The following RBFOX3 variants were observed in gnomAD, a reference collection of about 807,000 sequenced individuals.
The protein encoded by RBFOX3 is RNA binding protein fox-1 homolog 3.
RBFOX3 carries 17 observed loss-of-function variants against 48.7 expected under a neutral mutation model. That is an observed-to-expected ratio of 0.35 (90% CI 0.24 to 0.52). RBFOX3 has a LOEUF of 0.52. RBFOX3 is among the 20% of genes least tolerant of loss of function. RBFOX3 has a pLI of 0.94. For missense variants in RBFOX3, 382 were observed against 497.5 expected (o/e 0.77, Z 2.21); for synonymous variants, 212 against 209.5 (o/e 1.01, Z -0.10).
At chr17:79,091,938 G>C (rs1022450131) in intron 14 of RBFOX3, 1 of 984,190 alleles carries the variant, frequency 1.0e-6, no homozygotes, top group Non-Finnish European at 1.2e-6. Context: ...TGACTACGTC[G>C]GCAAGAAATA....
rs139028999 is a variant in RBFOX3, at chr17:79,216,982, C to T, written c.-34+18784G>A. On this transcript the variant is annotated intron_variant, in intron 4 of 14. Coordinates refer to ENST00000693108, the MANE Select transcript of RBFOX3 (RefSeq NM_001350451.2). The stretch of plus-strand genomic sequence containing the variant: ...GCAGCCCTCCTCCAGGGGGTATCCC[C>T]AGGTGAAACATCCGAAGGCAGAGAT... Among the ~76,000 whole-genome samples, 366 of 152,298 alleles carry T rather than the reference C, an allele frequency of 2.4e-3. 2 individuals are homozygous for T. Among genetic ancestry groups the T allele is most frequent in the African/African-American group, 8.3e-3 (344 of 41,570 alleles).
intron 3 of RBFOX3, among the ~76,000 whole-genome samples, chr17:79,268,132 C>T (rs996476253): frequency 5.7e-5 from 8 of 141,306 alleles, no homozygotes; most frequent in Admixed American, 2.3e-4. Flanking sequence ...TCCTGGCTGC[C>T]GTGAGGGGCA....
At chr17:79,456,283 G>A (rs1471970233) in intron 2 of RBFOX3, among the ~76,000 whole-genome samples, 2 of 151,950 alleles carry the variant, frequency 1.3e-5, no homozygotes, top group Non-Finnish European at 2.9e-5. Flanking sequence ...AACTCTGTTT[G>A]TTCCGCCTCC....
rs1309911019 is a variant in RBFOX3 at position 79,212,599 on chromosome 17, C to A, written c.-34+23167G>T. Among the ~76,000 whole-genome samples the A allele has an allele frequency of 6.6e-6, 1 of 152,188 alleles. No individual in the cohort carries two copies. The highest frequency in any genetic ancestry group is 1.5e-5 in the Non-Finnish European group (1 of 68,036). ...CTTAACTTCTTTCACAAGCAAATTCCCAGAGCCTGGTTCTTCCCCAGCCCT... is the reference window on the plus strand; with the variant it reads ...CTTAACTTCTTTCACAAGCAAATTCACAGAGCCTGGTTCTTCCCCAGCCCT... On this transcript the variant is annotated intron_variant, in intron 4 of 14. Transcript: ENST00000693108. This position sits in a 1 kb window ranked among gnomAD's most constrained non-coding sequence, Gnocchi z 4.7.
intron 2 of RBFOX3, among the ~76,000 whole-genome samples, chr17:79,441,886 G>C (rs942026470): frequency 3.3e-5 from 5 of 151,992 alleles, no homozygotes; most frequent in Admixed American, 3.3e-4. Context: ...TGAAATCAAG[G>C]GTCTCACTGA....
Position 79,299,425 on chromosome 17 carries a change from A to G in RBFOX3, c.-74+8299T>C, listed in dbSNP as rs1018744742. ...AAAAGTATTAGAAAAATAAATAAAA[A>G]TAATGATACAACAATACAAATAACA... On this transcript the variant is annotated intron_variant, in intron 3 of 14. Transcript: ENST00000693108. The surrounding 1 kb of genome is among the most constrained non-coding windows in gnomAD (Gnocchi z 4.5). Among the ~76,000 whole-genome samples the G allele has an allele frequency of 6.6e-6, 1 of 152,208 alleles. No individual in the cohort carries two copies. Among genetic ancestry groups the G allele is most frequent in the Non-Finnish European group, 1.5e-5 (1 of 68,042 alleles).
chr17:79,131,635 G>C (rs775418906), intron 4 of RBFOX3, among the ~76,000 whole-genome samples: 2 of 152,210 alleles, frequency 1.3e-5, no homozygotes, highest in Non-Finnish European at 2.9e-5. Context: ...TTTGGTAACT[G>C]TATCTCAATA....
At chr17:79,462,271 A>C (rs944072558) in intron 2 of RBFOX3, among the ~76,000 whole-genome samples, 1 of 152,216 alleles carries the variant, frequency 6.6e-6, no homozygotes, top group Non-Finnish European at 1.5e-5. Context: ...AGGCTGCCTG[A>C]GCCTGACTCC....
intron 3 of RBFOX3, among the ~76,000 whole-genome samples, chr17:79,264,622 C>T (rs764587153): frequency 6.6e-6 from 1 of 152,312 alleles, no homozygotes. Flanking sequence ...GACTCATCCA[C>T]GTGCTCTGGT....
chr17:79,312,106 C>T (rs1181837406), intron 2 of RBFOX3, among the ~76,000 whole-genome samples: 1 of 152,060 alleles, frequency 6.6e-6, no homozygotes, highest in Non-Finnish European at 1.5e-5. Context: ...CGTACTGTAA[C>T]TAATCGTTTT....
At chr17:79,564,494 C>A (rs2092381112) in intron 1 of RBFOX3, among the ~76,000 whole-genome samples, 2 of 152,130 alleles carry the variant, frequency 1.3e-5, no homozygotes, top group African/African-American at 2.4e-5. Flanking sequence ...CTGGAGGACG[C>A]CTTAGCAGAA....
intron 2 of RBFOX3, among the ~76,000 whole-genome samples, chr17:79,369,984 C>T (rs1461289977): frequency 1.3e-5 from 2 of 152,194 alleles, no homozygotes; most frequent in African/African-American, 2.4e-5. Context: ...CCCCACCAGA[C>T]GCCCTTCGTT....
At chr17:79,157,748 C>T (rs1445403185) in intron 4 of RBFOX3, among the ~76,000 whole-genome samples, 2 of 152,214 alleles carry the variant, frequency 1.3e-5, no homozygotes, top group African/African-American at 4.8e-5. Flanking sequence ...CTGGCAGTGC[C>T]ATGTTCCACC....
In RBFOX3 at chr17:79,214,877, G is replaced by A. The variant is rs1224540146; in HGVS notation, c.-34+20889C>T. The stretch of plus-strand genomic sequence containing the variant: ...TAATATTTATAGAAAGCCTCATTCA[G>A]CTCACCCTGTTTGTTCTTTATTTCT... On this transcript the variant is annotated intron_variant, in intron 4 of 14. Transcript: ENST00000693108. This position sits in a 1 kb window ranked among gnomAD's most constrained non-coding sequence, Gnocchi z 4.7. Among the ~76,000 whole-genome samples, 2 of 152,190 alleles carry A rather than the reference G, an allele frequency of 1.3e-5. No individual in the cohort carries two copies.
At chr17:79,352,835 C>T (rs1185335967) in intron 2 of RBFOX3, among the ~76,000 whole-genome samples, 1 of 152,208 alleles carries the variant, frequency 6.6e-6, no homozygotes, top group Non-Finnish European at 1.5e-5. Context: ...GCTCTGCAGC[C>T]CCACCCTGTC....
the RBFOX3 span, among the ~76,000 whole-genome samples, chr17:79,665,541 T>C: frequency 1.3e-5 from 2 of 152,188 alleles, no homozygotes; most frequent in African/African-American, 4.8e-5. Context: ...CTTGTGCCTC[T>C]GGCTCTGACA....
chr17:79,549,943 A>G (rs2090971022), intron 1 of RBFOX3, among the ~76,000 whole-genome samples: 1 of 152,094 alleles, frequency 6.6e-6, no homozygotes, highest in Admixed American at 6.5e-5. Context: ...ACACACACCA[A>G]AAAAAAACGT....
At chr17:79,244,064 C>T (rs1429038243) in intron 3 of RBFOX3, among the ~76,000 whole-genome samples, 1 of 152,174 alleles carries the variant, frequency 6.6e-6, no homozygotes, top group African/African-American at 2.4e-5. Flanking sequence ...CCGCACAGGG[C>T]AGAATGGTGT....
chr17:79,659,183 G>A, the RBFOX3 span, among the ~76,000 whole-genome samples: 10 of 152,152 alleles, frequency 6.6e-5, 1 homozygote, highest in Non-Finnish European at 4.4e-5. Context: ...CATTGCTTCC[G>A]TCTACAACCC....
Sources: gnomAD v4.1 joint callset for allele counts (sites outside exome capture counted in the v4.1 genomes callset) on GRCh38, gnomAD v4.1.1 for gene constraint, Gnocchi (gnomAD v3.1) non-coding constraint, MANE v1.5 for transcripts, NCBI Gene and HGNC (gene_info 2026-07-23, HGNC 2026-07-21) for gene names.